The following LGSN variants were observed in gnomAD, a reference collection of about 807,000 sequenced individuals.
The protein encoded by LGSN is lengsin.
In LGSN, 21 loss-of-function variants were observed where a neutral mutation model predicts 19.5. The observed-to-expected ratio is 1.07, with a 90% confidence interval of 0.76 to 1.55. LGSN has a LOEUF of 1.55. Among genes scored for constraint, LGSN ranks in the 40% most tolerant of loss-of-function variants. The pLI, the probability that LGSN is intolerant of heterozygous loss-of-function variation, is 0.00. For missense variants in LGSN, 673 were observed against 608.5 expected (o/e 1.11, Z -1.12); for synonymous variants, 257 against 215.6 (o/e 1.19, Z -1.68).
At chr6:63,377,913 CAAAAA>C in the LGSN span, among the ~76,000 whole-genome samples, 1 of 54,352 alleles carries the variant, frequency 1.8e-5, no homozygotes, top group Non-Finnish European at 3.9e-5. Context: ...GACTCCATCT[CAAAAA>C]AAAAAAAAAA....
chr6:63,456,788 CAAAGCAGAGAAGGGAAG>C, the LGSN span, among the ~76,000 whole-genome samples: 23 of 152,222 alleles, frequency 1.5e-4, no homozygotes, highest in East Asian at 3.9e-3. Flanking sequence ...CCCCCTTCAT[CAAAGCAGAGAAGGGAAG>C]AAAGCAGAGA....
the LGSN span, among the ~76,000 whole-genome samples, chr6:63,444,404 A>T: frequency 6.6e-6 from 1 of 152,232 alleles, no homozygotes; most frequent in Admixed American, 6.5e-5. Flanking sequence ...GACTAAAATC[A>T]TTGATAGATG....
chr6:63,505,481 G>A, the LGSN span, among the ~76,000 whole-genome samples: 8 of 149,436 alleles, frequency 5.4e-5, no homozygotes, highest in African/African-American at 2.0e-4. Context: ...GGGAGGATGA[G>A]GCAGGAAAAT....
the LGSN span, among the ~76,000 whole-genome samples, chr6:63,508,369 T>G: frequency 3.3e-5 from 5 of 152,282 alleles, no homozygotes; most frequent in South Asian, 1.0e-3. Context: ...TTTAAAATTT[T>G]GCATTATGTA....
chr6:63,318,149 G>A (rs138093576), intron 1 of LGSN, among the ~76,000 whole-genome samples: 82 of 152,230 alleles, frequency 5.4e-4, no homozygotes, highest in African/African-American at 1.9e-3. Context: ...ATTCTTTAGG[G>A]GAGTACCAAA....
At chr6:63,352,761 A>C in the LGSN span, among the ~76,000 whole-genome samples, 1 of 152,112 alleles carries the variant, frequency 6.6e-6, no homozygotes, top group Non-Finnish European at 1.5e-5. Context: ...TCTCTCAAAC[A>C]AAGGGATAGA....
At chr6:63,507,446 A>C in the LGSN span, among the ~76,000 whole-genome samples, 1 of 152,094 alleles carries the variant, frequency 6.6e-6, no homozygotes, top group African/African-American at 2.4e-5. Flanking sequence ...TGTTTCATTT[A>C]TATCATAAGT....
At chr6:63,321,552 T>C (rs915647678), upstream of LGSN, among the ~76,000 whole-genome samples, 1 of 152,186 alleles carries the variant, frequency 6.6e-6, no homozygotes, top group African/African-American at 2.4e-5. Context: ...CTTCTCAATG[T>C]GTATCCATGA....
chr6:63,532,536 T>C, the LGSN span, among the ~76,000 whole-genome samples: 2 of 151,880 alleles, frequency 1.3e-5, no homozygotes, highest in Non-Finnish European at 2.9e-5. Flanking sequence ...TGGAGGTAGG[T>C]GCAAACCAGG....
chr6:63,295,697 G>T (rs936096345), intron 1 of LGSN, among the ~76,000 whole-genome samples: 24 of 152,132 alleles, frequency 1.6e-4, no homozygotes, highest in Non-Finnish European at 2.8e-4. Context: ...TCACAATCTA[G>T]TTATAATCCT....
At chr6:63,429,663 TA>T in the LGSN span, among the ~76,000 whole-genome samples, 104 of 149,178 alleles carry the variant, frequency 7.0e-4, no homozygotes, top group African/African-American at 2.5e-3. Flanking sequence ...TTGAACCCAG[TA>T]GGTAGAGTTA....
At chr6:63,472,205 C>A in the LGSN span, among the ~76,000 whole-genome samples, 1 of 152,188 alleles carries the variant, frequency 6.6e-6, no homozygotes, top group Non-Finnish European at 1.5e-5. Flanking sequence ...ATCCCCATCC[C>A]AAACTCTGGC....
the LGSN span, among the ~76,000 whole-genome samples, chr6:63,412,874 GAGAA>G: frequency 2.1e-5 from 3 of 144,736 alleles, no homozygotes; most frequent in Non-Finnish European, 3.0e-5. Context: ...GTAAGAGAAA[GAGAA>G]AGAAAGAGGG....
At chr6:63,563,576 T>G in the LGSN span, among the ~76,000 whole-genome samples, 37,261 of 152,228 alleles carry the variant, frequency 0.24, 5,564 homozygotes, top group Non-Finnish European at 0.33. Flanking sequence ...TATTCTATGC[T>G]TATTTACTTG....
At chr6:63,333,126 G>C in the LGSN span, among the ~76,000 whole-genome samples, 1 of 151,860 alleles carries the variant, frequency 6.6e-6, no homozygotes, top group South Asian at 2.1e-4. Flanking sequence ...AAGGGGACCC[G>C]AGCGGGTTCC....
At chr6:63,571,872 C>T in the LGSN span, 1 of 152,224 alleles carries the variant, frequency 6.6e-6, no homozygotes, top group Non-Finnish European at 1.5e-5. Context: ...AAAGCGCCCC[C>T]AGGGACAAGA....
At chr6:63,341,704 A>G in the LGSN span, among the ~76,000 whole-genome samples, 1 of 152,094 alleles carries the variant, frequency 6.6e-6, no homozygotes, top group African/African-American at 2.4e-5. Flanking sequence ...TTGACATTTG[A>G]GAATGTCAGT....
the LGSN span, among the ~76,000 whole-genome samples, chr6:63,483,189 G>C: frequency 6.6e-6 from 1 of 152,152 alleles, no homozygotes; most frequent in African/African-American, 2.4e-5. Context: ...CAGAAATTTA[G>C]AGAAAGGCAA....
In LGSN at chr6:63,279,832, C is replaced by G. The variant is rs1562001356; in HGVS notation, c.*189G>C. On this transcript the variant is annotated 3_prime_UTR_variant, in exon 4 of 4. Coordinates refer to ENST00000370657, the MANE Select transcript of LGSN (RefSeq NM_016571.3). ...TTCACCACAACTTTGTTGTTTGTTT[C>G]TGTTATCAGAATCTTCTCAGCAGTC... 3 of 517,950 alleles carry G rather than the reference C, an allele frequency of 5.8e-6. No individual in the cohort carries two copies. The highest frequency in any genetic ancestry group is 3.7e-5 in the Admixed American group (1 of 26,692). The allele number at this position is 517,950 out of a possible 1,614,324, so 32.1% of individuals were successfully genotyped here.
Sources: gnomAD v4.1 joint callset for allele counts (sites outside exome capture counted in the v4.1 genomes callset) on GRCh38, gnomAD v4.1.1 for gene constraint, MANE v1.5 for transcripts, NCBI Gene and HGNC (gene_info 2026-07-23, HGNC 2026-07-21) for gene names.